Variants in TEX9 observed in about 807,000 individuals in gnomAD.
TEX9 encodes testis expressed 9.
In TEX9, 74 loss-of-function variants were observed where a neutral mutation model predicts 59.6. The observed-to-expected ratio is 1.24, with a 90% CI of 1.03 to 1.51. The LOEUF (loss-of-function observed/expected upper bound fraction) is 1.51, where lower values mean the gene tolerates loss of function less well. Ranked by LOEUF, TEX9 falls within the 40% of genes most tolerant of loss-of-function variation. The pLI, the probability that TEX9 is intolerant of heterozygous loss-of-function variation, is 0.00. For synonymous variants in TEX9, 186 were observed against 152.2 expected, an observed-to-expected ratio of 1.22 and a Z score of -1.64; for missense variants, 522 against 447.8, an observed-to-expected ratio of 1.17 and a Z score of -1.49.
At chr15:56,430,075 G>A (rs1194686757) in intron 12 of TEX9, 2 of 151,982 alleles carry the variant, frequency 1.3e-5, no homozygotes, top group East Asian at 3.8e-4. Flanking sequence ...TCCTTCCTTA[G>A]CACCAGAGTG....
intron 12 of TEX9, among the ~76,000 whole-genome samples, chr15:56,436,543 A>G (rs1404714031): frequency 6.6e-6 from 1 of 152,188 alleles, no homozygotes; most frequent in African/African-American, 2.4e-5. Context: ...CACAATTAAA[A>G]GAACTAGAGA....
At position 56,428,399 on chromosome 15, in the gene TEX9, C is replaced by CACTGAGGAGGAATTTAT. The variant is rs1405275807; in HGVS notation, c.1132_1148dup (p.Met383IlefsTer7). 1 of 1,612,080 alleles carries CACTGAGGAGGAATTTAT rather than the reference C, an allele frequency of 6.2e-7. No individual in the cohort carries two copies. The highest frequency in any genetic ancestry group is 8.5e-7 in the Non-Finnish European group (1 of 1,178,846). Reference sequence around the variant, plus strand: ...TTGAAGCTGCCAAGATGCTATCTTTCACTGAGGAGGAATTTATGAAAGCAC... The same window carrying CACTGAGGAGGAATTTAT: ...TTGAAGCTGCCAAGATGCTATCTTTCACTGAGGAGGAATTTATACTGAGGAGGAATTTATGAAAGCAC... On this transcript the variant is annotated frameshift_variant, in exon 12 of 13. Coordinates refer to ENST00000352903, the Ensembl canonical transcript of TEX9. LOFTEE classifies it high-confidence loss of function.
chr15:56,381,672 C>A (rs890132443), intron 3 of TEX9, among the ~76,000 whole-genome samples: 3 of 152,222 alleles, frequency 2.0e-5, no homozygotes, highest in Non-Finnish European at 4.4e-5. Context: ...CAGACAGAGA[C>A]TCGTTCTCTT....
chr15:56,291,019 A>G (rs898297126), intron 1 of TEX9, among the ~76,000 whole-genome samples: 1 of 152,212 alleles, frequency 6.6e-6, no homozygotes, highest in Admixed American at 6.5e-5. Context: ...TGGGGATGAT[A>G]TGAAGGTGAG....
chr15:56,358,505 G>C (rs1445004222), intron 1 of TEX9, among the ~76,000 whole-genome samples: 1 of 152,068 alleles, frequency 6.6e-6, no homozygotes, highest in African/African-American at 2.4e-5. Flanking sequence ...ATCGTAGAGA[G>C]AGTTCCCATA....
intron 1 of TEX9, among the ~76,000 whole-genome samples, chr15:56,316,301 G>A (rs531045354): frequency 2.6e-5 from 4 of 152,078 alleles, no homozygotes; most frequent in Admixed American, 2.6e-4. Flanking sequence ...TTTCGTCTTT[G>A]ATGATGGTGA....
intron 1 of TEX9, among the ~76,000 whole-genome samples, chr15:56,345,917 C>A (rs1335389278): frequency 6.6e-6 from 1 of 152,144 alleles, no homozygotes; most frequent in East Asian, 1.9e-4. Context: ...TGGGCCCCAT[C>A]CTTCTGATTC....
chr15:56,454,849 AC>A, the TEX9 span, among the ~76,000 whole-genome samples: 4 of 152,108 alleles, frequency 2.6e-5, no homozygotes, highest in African/African-American at 9.7e-5. Flanking sequence ...ATTTTCCAGA[AC>A]CTTTTCACAG....
intron 1 of TEX9, among the ~76,000 whole-genome samples, chr15:56,245,472 A>G (rs1157633804): frequency 6.6e-6 from 1 of 152,192 alleles, no homozygotes; most frequent in African/African-American, 2.4e-5. Context: ...TAGCCACTTT[A>G]GGAAACTATA....
chr15:56,448,777 G>A (rs1197178609), downstream of TEX9, among the ~76,000 whole-genome samples: 5 of 141,560 alleles, frequency 3.5e-5, no homozygotes, highest in East Asian at 2.0e-4. Context: ...TTTTGGAGAC[G>A]GAGTCTCGCT....
At chr15:56,451,187 T>TA in the TEX9 span, among the ~76,000 whole-genome samples, 1 of 152,222 alleles carries the variant, frequency 6.6e-6, no homozygotes, top group African/African-American at 2.4e-5. Flanking sequence ...GTAAAACAGA[T>TA]AAGTGCCTTG....
At chr15:56,302,045 A>C (rs1310672267) in intron 1 of TEX9, among the ~76,000 whole-genome samples, 1 of 152,230 alleles carries the variant, frequency 6.6e-6, no homozygotes, top group Non-Finnish European at 1.5e-5. Context: ...CAGGGGCATG[A>C]AATTAAAGCA....
At chr15:56,418,904 A>G (rs554380262) in intron 10 of TEX9, among the ~76,000 whole-genome samples, 2 of 152,024 alleles carry the variant, frequency 1.3e-5, no homozygotes, top group Admixed American at 1.3e-4. Flanking sequence ...ACTGGCTACT[A>G]TAGTTCTTTT....
intron 1 of TEX9, among the ~76,000 whole-genome samples, chr15:56,302,941 C>T (rs1296204425): frequency 6.6e-6 from 1 of 151,970 alleles, no homozygotes; most frequent in Non-Finnish European, 1.5e-5. Context: ...CTACTTCAGG[C>T]CAAAAACTAT....
rs1488305838 is a variant in TEX9, at chr15:56,300,980, A to G, written c.-107+56702A>G. Among the ~76,000 whole-genome samples the G allele has an allele frequency of 4.6e-5, 7 of 152,240 alleles. No homozygotes were observed. The East Asian group carries it at 1.3e-3, about 29-fold the overall frequency. On this transcript the variant is annotated intron_variant, in intron 1 of 5. Transcript: ENST00000560827. The stretch of plus-strand genomic sequence containing the variant: ...ATATCAACGAGCATCAAGACCATCC[A>G]GGAAAATGTGACCTTACCAAATGAA...
chr15:56,373,428 T>C lies in TEX9; in HGVS notation c.120-13T>C. 6.3e-7 allele frequency: 1 copy of C among 1,589,764 alleles called. No individual in the cohort carries two copies. The highest frequency in any genetic ancestry group is 8.5e-7 in the Non-Finnish European group (1 of 1,172,066). ...AAGATCTTCAGTATATCCCAATTAT[T>C]TTCTGCTTTTAGGCGTTTAAATGCA... On this transcript the variant is annotated splice_polypyrimidine_tract_variant and intron_variant, in intron 2 of 12. Coordinates refer to ENST00000352903, the Ensembl canonical transcript of TEX9.
chr15:56,313,072 A>G (rs2045663582), intron 1 of TEX9, among the ~76,000 whole-genome samples: 1 of 148,970 alleles, frequency 6.7e-6, no homozygotes, highest in Admixed American at 6.8e-5. Flanking sequence ...TTCTAGATAT[A>G]CAATCATGTC....
chr15:56,377,430 C>G (rs1165980497), intron 3 of TEX9, among the ~76,000 whole-genome samples: 1 of 152,028 alleles, frequency 6.6e-6, no homozygotes, highest in Non-Finnish European at 1.5e-5. Flanking sequence ...CAATTTCTTG[C>G]ATTGATGTTT....
intron 1 of TEX9, among the ~76,000 whole-genome samples, chr15:56,281,826 A>G (rs1315863045): frequency 1.3e-4 from 20 of 152,180 alleles, no homozygotes; most frequent in Non-Finnish European, 2.6e-4. Context: ...ACCCAAATAC[A>G]GTGTCCATTC....
Sources: allele counts gnomAD v4.1 joint callset (sites outside exome capture counted in the v4.1 genomes callset), GRCh38; gene constraint gnomAD v4.1.1; transcripts MANE v1.5; gene names NCBI Gene and HGNC (gene_info 2026-07-23, HGNC 2026-07-21).